The following CSMD3 variants were observed in gnomAD, a reference collection of about 807,000 sequenced individuals.
CSMD3 encodes the protein CUB and Sushi multiple domains 3, also known as CUB and sushi domain-containing protein 3.
Under a neutral mutation model 435.2 loss-of-function variants are expected in CSMD3, and 177 were observed. The observed-to-expected ratio is 0.41, with a 90% CI of 0.36 to 0.46. CSMD3 has a LOEUF of 0.46. Among genes scored for constraint, CSMD3 ranks in the 20% least tolerant of loss-of-function variants. The pLI is 0.34. For missense variants in CSMD3, 4,265 were observed against 4,504.6 expected, an observed-to-expected ratio of 0.95 and a Z score of 1.52; for synonymous variants, 1,656 against 1,520.5, an observed-to-expected ratio of 1.09 and a Z score of -2.07.
chr8:112,243,235 T>A (rs1342329567), intron 65 of CSMD3, among the ~76,000 whole-genome samples: 1 of 148,886 alleles, frequency 6.7e-6, no homozygotes, highest in Non-Finnish European at 1.5e-5. Flanking sequence ...ATTTCAATCA[T>A]AAAAAAAAAA....
chr8:113,144,203 A>G (rs2091617876), intron 4 of CSMD3, among the ~76,000 whole-genome samples: 1 of 151,316 alleles, frequency 6.6e-6, no homozygotes, highest in Non-Finnish European at 1.5e-5. Context: ...ATCCTTAAAT[A>G]TGTTCTCAGC....
intron 32 of CSMD3, among the ~76,000 whole-genome samples, chr8:112,449,327 T>C (rs1404128010): frequency 6.6e-6 from 1 of 152,168 alleles, no homozygotes; most frequent in African/African-American, 2.4e-5. Flanking sequence ...CAACCCTCGC[T>C]CTTCTAATGG....
intron 1 of CSMD3, among the ~76,000 whole-genome samples, chr8:113,397,398 A>G (rs2094488667): frequency 6.6e-6 from 1 of 152,146 alleles, no homozygotes; most frequent in African/African-American, 2.4e-5. Context: ...ATTAATTTAT[A>G]GGAATTCCTT....
At chr8:112,927,449 T>C (rs1480722728) in intron 9 of CSMD3, among the ~76,000 whole-genome samples, 2 of 152,124 alleles carry the variant, frequency 1.3e-5, no homozygotes. Context: ...CCCCGCCTTG[T>C]CATTACTTGT....
At chr8:113,263,749 A>G (rs2093445661) in intron 3 of CSMD3, among the ~76,000 whole-genome samples, 1 of 151,882 alleles carries the variant, frequency 6.6e-6, no homozygotes. Context: ...AAATCAACAT[A>G]TGATACTGTG....
intron 5 of CSMD3, among the ~76,000 whole-genome samples, chr8:113,046,747 T>C (rs1324023283): frequency 6.6e-6 from 1 of 152,154 alleles, no homozygotes; most frequent in Non-Finnish European, 1.5e-5. Flanking sequence ...GTCAGGGACT[T>C]GGAGGGGCGA....
chr8:112,806,932 C>T (rs758959082), intron 12 of CSMD3, among the ~76,000 whole-genome samples: 2 of 152,120 alleles, frequency 1.3e-5, no homozygotes, highest in Non-Finnish European at 2.9e-5. Flanking sequence ...GAAATCAAAC[C>T]AAGTTTGCAG....
At position 112,318,167 on chromosome 8, in the gene CSMD3, C is replaced by T. The variant is rs558584030; in HGVS notation, c.7360+670G>A. Among the ~76,000 whole-genome samples, 9 of 152,128 alleles carry T rather than the reference C, an allele frequency of 5.9e-5. No homozygotes were observed. The South Asian group carries it at 1.9e-3, about 32-fold the overall frequency. On this transcript the variant is annotated intron_variant, in intron 47 of 70. Transcript: ENST00000297405. ...ATATATCTGCCACTTAGACCACCCT[C>T]TCTCTAGCTCTGTTCTACCAGAATA... is the stretch of plus-strand genomic sequence containing the variant.
intron 22 of CSMD3, among the ~76,000 whole-genome samples, chr8:112,616,351 T>C (rs567372790): frequency 6.6e-6 from 1 of 152,272 alleles, no homozygotes; most frequent in Non-Finnish European, 1.5e-5. Flanking sequence ...TAAAGAAATA[T>C]ATATTTAATG....
At chr8:112,620,174 A>T (rs1330779906) in intron 22 of CSMD3, among the ~76,000 whole-genome samples, 1 of 152,156 alleles carries the variant, frequency 6.6e-6, no homozygotes, top group African/African-American at 2.4e-5. Flanking sequence ...TAGGAAAAAA[A>T]TACTAAAGAA....
At chr8:112,495,353 C>A (rs886348362) in intron 30 of CSMD3, among the ~76,000 whole-genome samples, 4 of 152,204 alleles carry the variant, frequency 2.6e-5, no homozygotes, top group African/African-American at 9.6e-5. Context: ...GAAAAGTTTG[C>A]TTTCTCCTTC....
intron 32 of CSMD3, among the ~76,000 whole-genome samples, chr8:112,465,955 G>C (rs1817912090): frequency 1.4e-5 from 2 of 146,562 alleles, no homozygotes; most frequent in African/African-American, 5.2e-5. Flanking sequence ...AGCCTGGGAA[G>C]CAGAGGGAGA....
chr8:113,077,583 T>C (rs894296328), intron 5 of CSMD3, among the ~76,000 whole-genome samples: 5 of 151,988 alleles, frequency 3.3e-5, no homozygotes, highest in African/African-American at 1.2e-4. Flanking sequence ...GCACCTGTAA[T>C]CCCAGCTACT....
chr8:112,730,681 C>T (rs936866887), intron 13 of CSMD3, among the ~76,000 whole-genome samples: 9 of 152,114 alleles, frequency 5.9e-5, no homozygotes, highest in Non-Finnish European at 1.3e-4. Context: ...GACTGCACCA[C>T]CAACACCCCT....
At chr8:113,384,041 G>C (rs1033477502) in intron 1 of CSMD3, among the ~76,000 whole-genome samples, 4 of 152,088 alleles carry the variant, frequency 2.6e-5, no homozygotes, top group African/African-American at 9.7e-5. Flanking sequence ...CAAATTTATA[G>C]GGTGTGTTCA....
At chr8:112,554,426 C>G (rs1175179037) in intron 25 of CSMD3, among the ~76,000 whole-genome samples, 1 of 151,916 alleles carries the variant, frequency 6.6e-6, no homozygotes, top group Non-Finnish European at 1.5e-5. Flanking sequence ...TTTTTTCTAA[C>G]AAAAATTCTT....
At chr8:112,408,750 A>G (rs1379184313) in intron 33 of CSMD3, among the ~76,000 whole-genome samples, 169 bp downstream of exon 33, 6 of 151,786 alleles carry the variant, frequency 4.0e-5, no homozygotes, top group African/African-American at 4.8e-5. Context: ...ATTTTTCTCA[A>G]CCTTCTGAGT....
intron 13 of CSMD3, among the ~76,000 whole-genome samples, chr8:112,728,141 C>A (rs1381935679): frequency 6.6e-6 from 1 of 151,772 alleles, no homozygotes; most frequent in Non-Finnish European, 1.5e-5. Context: ...GCTTTGTCAG[C>A]TAGATTTCTA....
intron 4 of CSMD3, among the ~76,000 whole-genome samples, chr8:113,157,262 G>C (rs938670497): frequency 6.6e-6 from 1 of 152,048 alleles, no homozygotes; most frequent in Non-Finnish European, 1.5e-5. Context: ...GTACTAAAAG[G>C]GCAACTTGAG....
Sources: gnomAD v4.1 joint callset for allele counts (sites outside exome capture counted in the v4.1 genomes callset) on GRCh38, gnomAD v4.1.1 for gene constraint, MANE v1.5 for transcripts, NCBI Gene and HGNC (gene_info 2026-07-23, HGNC 2026-07-21) for gene names.